The following KRT72 variants were observed in gnomAD, a reference collection of about 807,000 sequenced individuals.
The protein encoded by KRT72 is keratin, type II cytoskeletal 72.
A neutral mutation model predicts 44.7 loss-of-function variants in KRT72; 44 were observed. The ratio of observed to expected loss-of-function variants is 0.98; its 90% CI spans 0.77 to 1.27. The LOEUF (loss-of-function observed/expected upper bound fraction) is 1.27. KRT72 is among the 50% of genes most tolerant of loss of function. KRT72 has a pLI of 0.00. For synonymous variants in KRT72, 302 were observed against 280.4 expected, an observed-to-expected ratio of 1.08 and a Z score of -0.77; for missense variants, 736 against 667.1, an observed-to-expected ratio of 1.10 and a Z score of -1.14.
intron 1 of KRT72, among the ~76,000 whole-genome samples, chr12:52,599,705 T>C (rs1940347894): frequency 6.6e-6 from 1 of 152,102 alleles, no homozygotes; most frequent in South Asian, 2.1e-4. Flanking sequence ...ACAACAGACA[T>C]AAAAGAGCAA....
At position 52,597,682 on chromosome 12, in the gene KRT72, C is replaced by A. The variant is rs546424644; in HGVS notation, c.641+1216G>T. 7.9e-5 allele frequency among the ~76,000 whole-genome samples: 12 copies of A among 152,282 alleles called. No homozygotes were observed. The East Asian group carries it at 2.3e-3, about 29-fold the overall frequency. ...TTACTAGTGAAGCTAGGATTCAAAT[C>A]CAAGCCTTCTGACATAGGGAAAACA... On this transcript the variant is annotated intron_variant, in intron 2 of 8. Transcript: ENST00000293745.
chr12:52,602,115 G>A (rs781298002), upstream of KRT72, among the ~76,000 whole-genome samples: 1 of 152,186 alleles, frequency 6.6e-6, no homozygotes, highest in Admixed American at 6.5e-5. Context: ...GGACCAGAGC[G>A]AAAAGATTTC....
At chr12:52,601,667 A>G (rs1056072699), upstream of KRT72, 5 of 574,804 alleles carry the variant, frequency 8.7e-6, no homozygotes, top group Non-Finnish European at 1.5e-5. Context: ...TCCACCGTGA[A>G]CTCCCCATGA....
chr12:52,590,951 A>G lies in KRT72; in HGVS notation c.974T>C (p.Leu325Pro). 2 of 1,594,852 alleles carry G rather than the reference A, an allele frequency of 1.3e-6. No homozygotes were observed. The highest frequency in any genetic ancestry group is 2.2e-5 in the East Asian group (1 of 44,536). Residue 325 changes from leucine to proline, a missense_variant, in exon 6 of 9, where the codon CTG becomes CCG. Transcript: ENST00000293745. ...CCCATGCTGGCCTGCTGTGACCTGC[A>G]GCTCCTGGATCTGAGGTTGGGTGAC... is the stretch of plus-strand genomic sequence containing the variant. Reference protein sequence around the residue: ...ETLYQTKIQELQVTAGQHGDD... With the variant: ...ETLYQTKIQEPQVTAGQHGDD...
intron 1 of KRT72, 103 bp from the exon 2 acceptor site, chr12:52,599,215 G>A (rs116869595): frequency 0.014 from 15,160 of 1,085,902 alleles, 149 homozygotes; most frequent in Non-Finnish European, 0.018. Context: ...GGGGGACTGG[G>A]GGTAGGAGAA....
intron 2 of KRT72, among the ~76,000 whole-genome samples, chr12:52,597,394 T>A (rs895277065): frequency 6.6e-6 from 1 of 152,178 alleles, no homozygotes; most frequent in Non-Finnish European, 1.5e-5. Context: ...TCTTATGATA[T>A]ATCATAAGAG....
intron 5 of KRT72, among the ~76,000 whole-genome samples, 197 bp from the exon 6 acceptor site, chr12:52,591,158 G>A (rs952300424): frequency 9.2e-5 from 14 of 152,312 alleles, no homozygotes; most frequent in Admixed American, 5.9e-4. Flanking sequence ...CAATATATGT[G>A]AATTACCCAT....
At chr12:52,594,803 G>C (rs1404264966) in intron 2 of KRT72, among the ~76,000 whole-genome samples, 1 of 152,156 alleles carries the variant, frequency 6.6e-6, no homozygotes, top group Non-Finnish European at 1.5e-5. Flanking sequence ...GTAGTGAAGG[G>C]AGCTATTTCA....
At chr12:52,600,651 A>G (rs1350996869) in intron 1 of KRT72, among the ~76,000 whole-genome samples, 3 of 151,844 alleles carry the variant, frequency 2.0e-5, no homozygotes, top group African/African-American at 4.8e-5. Flanking sequence ...CCGCCGCCAT[A>G]TAAGACGTGA....
chr12:52,591,379 C>CAA, intron 5 of KRT72, 85 bp downstream of exon 5: 1 of 1,333,510 alleles, frequency 7.5e-7, no homozygotes, highest in Non-Finnish European at 1.0e-6. Flanking sequence ...CACACAAACA[C>CAA]ACGCACACAC....
At chr12:52,602,780 T>C (rs1413422979), upstream of KRT72, among the ~76,000 whole-genome samples, 1 of 152,158 alleles carries the variant, frequency 6.6e-6, no homozygotes, top group Non-Finnish European at 1.5e-5. Context: ...AAGGCTGGGT[T>C]CCCCTTGGGG....
upstream of KRT72, chr12:52,601,552 G>T: frequency 8.2e-7 from 1 of 1,223,392 alleles, no homozygotes; most frequent in Non-Finnish European, 1.1e-6. Context: ...CTGGCTGGCT[G>T]GAGTCAGCCT....
chr12:52,601,110 C>T lies in KRT72; in HGVS notation c.343G>A (p.Asp115Asn), dbSNP rs536724669. 8 of 1,612,826 alleles carry T rather than the reference C, an allele frequency of 5.0e-6. No homozygotes were observed. The African/African-American group carries it at 9.3e-5, about 19-fold the overall frequency. Residue 115 changes from aspartate to asparagine, a missense_variant, in exon 1 of 9, where the codon GAC (aspartate) becomes AAC (asparagine). Asp to Asn is a conservative substitution (Grantham distance 23). Coordinates refer to ENST00000293745, the MANE Select transcript of KRT72 (RefSeq NM_080747.3). Reference sequence around the variant, plus strand: ...GCGCGCACCCTCTGGATCTCGGGGTCCATCTCCACGTTGAGCGGGGCCAGG... The same window carrying T: ...GCGCGCACCCTCTGGATCTCGGGGTTCATCTCCACGTTGAGCGGGGCCAGG... ...SLLAPLNVEM[D>N]PEIQRVRAQE...
chr12:52,598,650 A>G (rs1258394852), intron 2 of KRT72, among the ~76,000 whole-genome samples: 4 of 152,198 alleles, frequency 2.6e-5, no homozygotes, highest in African/African-American at 9.6e-5. Context: ...TGGGTTGTCC[A>G]TCTGGTTTTG....
intron 2 of KRT72, 128 bp from the exon 3 acceptor site, chr12:52,593,080 A>G: frequency 1.4e-6 from 1 of 723,222 alleles, no homozygotes; most frequent in South Asian, 2.2e-5. Context: ...CCTGGGGCAC[A>G]CATAACCTTG....
intron 8 of KRT72, 137 bp from the exon 9 acceptor site, chr12:52,586,309 G>T: frequency 3.1e-6 from 2 of 648,772 alleles, no homozygotes; most frequent in Non-Finnish European, 5.3e-6. Context: ...TCTGTTGTGT[G>T]TTTCAGTCTA....
At chr12:52,586,492 C>T (rs1414109716) in intron 8 of KRT72, among the ~76,000 whole-genome samples, 1 of 152,214 alleles carries the variant, frequency 6.6e-6, no homozygotes, top group Non-Finnish European at 1.5e-5. Context: ...AGGAAAGGGG[C>T]CACTGAGGGC....
rs145882334 is a variant in KRT72 at position 52,587,758 on chromosome 12, C to A, written c.1183G>T (p.Ala395Ser). The A allele has an allele frequency of 5.6e-6, 9 of 1,614,066 alleles. No individual in the cohort carries two copies. Among genetic ancestry groups the A allele is most frequent in the South Asian group, 2.2e-5 (2 of 91,086 alleles). ...AGCTCCTCCTTGGCCTGGTGCAGGG[C>A]GCCCTCCAGCTCATCCAGCTTGGCC... Reference protein sequence around the residue: ...ARAKLDELEGALHQAKEELAR... With the variant: ...ARAKLDELEGSLHQAKEELAR... Residue 395 changes from alanine to serine, a missense_variant, in exon 7 of 9, where the codon GCC (alanine) becomes TCC (serine). Transcript: ENST00000293745.
upstream of KRT72, chr12:52,601,607 G>T: frequency 1.4e-6 from 1 of 704,354 alleles, no homozygotes; most frequent in Non-Finnish European, 2.3e-6. Flanking sequence ...GAGGCCTCTT[G>T]GGTTCTTCAT....
Sources: gnomAD v4.1 joint callset for allele counts (sites outside exome capture counted in the v4.1 genomes callset) on GRCh38, gnomAD v4.1.1 for gene constraint, MANE v1.5 for transcripts, NCBI Gene and HGNC (gene_info 2026-07-23, HGNC 2026-07-21) for gene names.